MAPK3: variants seen among roughly 807,000 people sequenced by gnomAD.
MAPK3 encodes the protein MAPK 1.
Under a neutral mutation model 41.8 loss-of-function variants are expected in MAPK3, and 30 were observed. That is an observed-to-expected ratio of 0.72 (90% confidence interval 0.54 to 0.97). The LOEUF (loss-of-function observed/expected upper bound fraction) is 0.97, where lower values mean the gene tolerates loss of function less well. Ranked by LOEUF, MAPK3 falls within the 50% of genes least tolerant of loss-of-function variation. MAPK3 has a pLI of 0.00. For synonymous variants in MAPK3, 222 were observed against 213.4 expected, an observed-to-expected ratio of 1.04 and a Z score of -0.35; for missense variants, 413 against 509.9, an observed-to-expected ratio of 0.81 and a Z score of 1.83.
intron 5 of MAPK3, 133 bp from the exon 6 acceptor site, chr16:30,117,418 A>G (rs1365619100): frequency 2.1e-6 from 2 of 939,494 alleles, no homozygotes; most frequent in African/African-American, 1.6e-5. Flanking sequence ...AGTCATTAGC[A>G]TGGTGGTGCA....
In MAPK3 at chr16:30,116,751, C is replaced by G; in HGVS notation, c.1057G>C (p.Asp353His). The change falls in exon 8 of 9, where the codon GAT becomes CAT. Residue 353 changes from aspartate (D) to histidine (H), a missense_variant. Asp to His is a moderately conservative substitution (Grantham distance 81). Around this residue, in one of 4 missense-constraint regions of MAPK3, gnomAD observed 123 missense variants for 147.8 expected, o/e 0.83. Coordinates refer to ENST00000263025, the MANE Select transcript of MAPK3 (RefSeq NM_002746.3). ...TTCAGCCGCTCCTTAGGTAGGTCAT[C>G]CAGCTCCATGGCGAAGGTGAAGGGC... ...EEPFTFAMEL[D>H]DLPKERLKEL... 1 of 1,613,912 alleles carries G rather than the reference C, an allele frequency of 6.2e-7. No individual in the cohort carries two copies.
chr16:30,118,242 C>T (rs1452301753), intron 3 of MAPK3, 79 bp from the exon 4 acceptor site: 4 of 1,566,832 alleles, frequency 2.6e-6, no homozygotes, highest in African/African-American at 1.4e-5. Flanking sequence ...GTCTTTGCCT[C>T]CACTGTTCCC....
At position 30,118,034 on chromosome 16, in the gene MAPK3, C is replaced by T. The variant is rs372642752; in HGVS notation, c.660+13G>A. ...CTGGTCCGTTCCTTTCAGGAGTGGGCAGCCCCTCCTACCTTGGAGTTCAGC... is the reference window on the plus strand; with the variant it reads ...CTGGTCCGTTCCTTTCAGGAGTGGGTAGCCCCTCCTACCTTGGAGTTCAGC... On this transcript the variant is annotated intron_variant, in intron 4 of 8. Transcript: ENST00000263025. The T allele has an allele frequency of 6.9e-6, 11 of 1,605,244 alleles. No individual in the cohort carries two copies. Among genetic ancestry groups the T allele is most frequent in the Non-Finnish European group, 9.4e-6 (11 of 1,172,088 alleles).
chr16:30,119,126 A>C (rs1376530580), intron 2 of MAPK3, among the ~76,000 whole-genome samples: 2 of 150,700 alleles, frequency 1.3e-5, no homozygotes, highest in Non-Finnish European at 2.9e-5. Flanking sequence ...CGGATGACAG[A>C]GTGAGACTCT....
intron 1 of MAPK3, chr16:30,122,396 A>AGGGGCAGGAGAGAATGGAC (rs1415456476): frequency 6.3e-6 from 2 of 318,280 alleles, no homozygotes; most frequent in Non-Finnish European, 1.2e-5. Context: ...CAGCCAGGGG[A>AGGGGCAGGAGAGAATGGAC]GGGGCAGGAG....
chr16:30,122,873 A>C, intron 1 of MAPK3, 167 bp downstream of exon 1: 3 of 493,264 alleles, frequency 6.1e-6, no homozygotes, highest in Non-Finnish European at 6.8e-6. Context: ...CTCCCCCAGA[A>C]AGCACTCAGG....
In MAPK3 at chr16:30,118,137, A is replaced by G; in HGVS notation, c.570T>C (p.Ile190=). The G allele has an allele frequency of 1.2e-6, 2 of 1,614,082 alleles. No homozygotes were observed. The highest frequency in any genetic ancestry group is 2.2e-5 in the South Asian group (2 of 91,084). ...LKICDFGLAR[I]ADPEHDHTGF... The stretch of plus-strand genomic sequence containing the variant: ...CGGTGTGGTCATGCTCAGGATCGGC[A>G]ATCCGGGCCAGGCCGAAATCACAAA... The change falls in exon 4 of 9, where the codon ATT becomes ATC. Residue 190 remains isoleucine, a synonymous_variant. Transcript: ENST00000263025.
At position 30,123,130 on chromosome 16, in the gene MAPK3, T is replaced by TCCCCCGGGA; in HGVS notation, c.71_79dup (p.Val24_Gly26dup). The TCCCCCGGGA allele has an allele frequency of 6.6e-7, 1 of 1,510,376 alleles. No homozygotes were observed. The highest frequency in any genetic ancestry group is 8.9e-7 in the Non-Finnish European group (1 of 1,128,392). The allele number at this position is 1,510,376 out of a possible 1,614,324, so 93.6% of individuals were successfully genotyped here. The stretch of plus-strand genomic sequence containing the variant: ...CGGCTGCCCCTTCACCATCTCCACC[T>TCCCCCGGGA]CCCCCGGGACCCCCGGGCCGACCCC... On this transcript the variant is annotated inframe_insertion, in exon 1 of 9. Transcript: ENST00000263025.
At chr16:30,117,457 G>A (rs987932920) in intron 5 of MAPK3, among the ~76,000 whole-genome samples, 172 bp from the exon 6 acceptor site, 6 of 152,118 alleles carry the variant, frequency 3.9e-5, no homozygotes, top group African/African-American at 1.2e-4. Context: ...CAGGCAGACC[G>A]AGGCTCAAAT....
chr16:30,122,938 G>A (rs1000319102), intron 1 of MAPK3, 102 bp downstream of exon 1: 69 of 1,073,206 alleles, frequency 6.4e-5, no homozygotes, highest in Non-Finnish European at 3.5e-5. Context: ...TCCTCGGGAC[G>A]CTCCGCGTCT....
At position 30,123,027 on chromosome 16, in the gene MAPK3, A is replaced by T; in HGVS notation, c.170+13T>A. The T allele has an allele frequency of 1.3e-6, 1 of 783,636 alleles. No homozygotes were observed. The highest frequency in any genetic ancestry group is 1.8e-6 in the Non-Finnish European group (1 of 569,216). 48.5% of individuals were successfully genotyped at this position (783,636 alleles called of 1,614,324 possible). On this transcript the variant is annotated intron_variant, in intron 1 of 8. Coordinates refer to ENST00000263025, the MANE Select transcript of MAPK3 (RefSeq NM_002746.3). ...CCCCTGAGGGCACCCCCTCCCCCGG[A>T]ACGCCCCCTCACCTGACCATGCCGT... is the stretch of plus-strand genomic sequence containing the variant.
rs2073034850 is a variant in MAPK3, at chr16:30,123,124, TCCACCTCCC to T, written c.77_85del (p.Gly26_Val28del). On this transcript the variant is annotated inframe_deletion, in exon 1 of 9. Coordinates refer to ENST00000263025, the MANE Select transcript of MAPK3 (RefSeq NM_002746.3). Reference sequence around the variant, plus strand: ...GTCGAACGGCTGCCCCTTCACCATCTCCACCTCCCCCGGGACCCCCGGGCCGACCCCCTC... The same window carrying T: ...GTCGAACGGCTGCCCCTTCACCATCTCCGGGACCCCCGGGCCGACCCCCTC... The T allele has an allele frequency of 1.9e-6, 3 of 1,551,050 alleles. No homozygotes were observed. Among genetic ancestry groups the T allele is most frequent in the African/African-American group, 1.5e-5 (1 of 68,272 alleles).
At position 30,118,142 on chromosome 16, in the gene MAPK3, G is replaced by A. The variant is rs780719391; in HGVS notation, c.565C>T (p.Arg189Trp). ...TGGTCATGCTCAGGATCGGCAATCCGGGCCAGGCCGAAATCACAAATCTGG... is the reference window on the plus strand; with the variant it reads ...TGGTCATGCTCAGGATCGGCAATCCAGGCCAGGCCGAAATCACAAATCTGG... Reference protein sequence around the residue: ...DLKICDFGLARIADPEHDHTG... With the variant: ...DLKICDFGLAWIADPEHDHTG... Residue 189 changes from arginine (R) to tryptophan (W), a missense_variant, in exon 4 of 9, where the codon CGG becomes TGG. Transcript: ENST00000263025. 13 of 1,613,940 alleles carry A rather than the reference G, an allele frequency of 8.1e-6. No homozygotes were observed. Among genetic ancestry groups the A allele is most frequent in the East Asian group, 2.2e-5 (1 of 44,874 alleles).
chr16:30,116,766 A>C lies in MAPK3; in HGVS notation c.1042T>G (p.Phe348Val). 1 of 1,613,920 alleles carries C rather than the reference A, an allele frequency of 6.2e-7. No individual in the cohort carries two copies. The highest frequency in any genetic ancestry group is 8.5e-7 in the Non-Finnish European group (1 of 1,179,982). The part of the protein sequence containing the change: ...DEPVAEEPFT[F>V]AMELDDLPKE... ...GGTAGGTCATCCAGCTCCATGGCGA[A>C]GGTGAAGGGCTCCTCGGCCACTGGC... Residue 348 changes from phenylalanine to valine, a missense_variant, in exon 8 of 9, where the codon TTC becomes GTC. Transcript: ENST00000263025.
chr16:30,123,143 C>CCGGGCCGACCCCCTCGGTTCTA lies in MAPK3; in HGVS notation c.45_66dup (p.Gly23Ter). On this transcript the variant is annotated stop_gained and frameshift_variant, in exon 1 of 9. Coordinates refer to ENST00000263025, the MANE Select transcript of MAPK3 (RefSeq NM_002746.3). LOFTEE classifies it high-confidence loss of function. ...ACCATCTCCACCTCCCCCGGGACCCCCGGGCCGACCCCCTCGGTTCTACGG... is the reference window on the plus strand; with the variant it reads ...ACCATCTCCACCTCCCCCGGGACCCCCGGGCCGACCCCCTCGGTTCTACGGGCCGACCCCCTCGGTTCTACGG... The CCGGGCCGACCCCCTCGGTTCTA allele has an allele frequency of 6.5e-7, 1 of 1,536,800 alleles. No individual in the cohort carries two copies. The highest frequency in any genetic ancestry group is 1.2e-5 in the South Asian group (1 of 83,112).
rs771537802 is a variant in MAPK3, at chr16:30,116,628, ACACT to A, written c.*32+4_*32+7del. The A allele has an allele frequency of 8.7e-6, 14 of 1,609,230 alleles. No individual in the cohort carries two copies. The highest frequency in any genetic ancestry group is 1.2e-5 in the Non-Finnish European group (14 of 1,178,842). On this transcript the variant is annotated splice_donor_5th_base_variant and intron_variant, in intron 8 of 8. Coordinates refer to ENST00000263025, the MANE Select transcript of MAPK3 (RefSeq NM_002746.3). ...GGGTGTCCATGTGTGGGCCATGGAG[ACACT>A]CACCAGGCCCCAGGGTGCAGAGATG...
chr16:30,122,911 A>T (rs1177633943), intron 1 of MAPK3, 129 bp downstream of exon 1: 6 of 816,932 alleles, frequency 7.3e-6, no homozygotes, highest in African/African-American at 1.9e-5. Context: ...GCTCCCGATC[A>T]TCCCGAGTCT....
intron 1 of MAPK3, chr16:30,122,802 T>G: frequency 1.0e-5 from 4 of 383,532 alleles, no homozygotes; most frequent in East Asian, 4.2e-5. Context: ...CCTCCCATCA[T>G]TACAGAAGGG....
At chr16:30,118,569 AG>A in intron 2 of MAPK3, 31 bp from the exon 3 acceptor site, 2 of 1,584,552 alleles carry the variant, frequency 1.3e-6, no homozygotes, top group South Asian at 2.3e-5. Flanking sequence ...CCCCCCAGGC[AG>A]GGGGCAGTGG....
Sources: allele counts gnomAD v4.1 joint callset (sites outside exome capture counted in the v4.1 genomes callset), GRCh38; gene constraint gnomAD v4.1.1; regional missense constraint gnomAD v4.1.1; transcripts MANE v1.5; gene names NCBI Gene and HGNC (gene_info 2026-07-23, HGNC 2026-07-21).